FAM78B: variants seen among roughly 807,000 people sequenced by gnomAD.
The protein encoded by FAM78B is protein FAM78B.
FAM78B carries 10 observed loss-of-function variants against 20.0 expected under a neutral mutation model. The ratio of observed to expected loss-of-function variants is 0.50; its 90% CI spans 0.31 to 0.85. The LOEUF (loss-of-function observed/expected upper bound fraction) is 0.85, where lower values mean the gene tolerates loss of function less well. Among genes scored for constraint, FAM78B ranks in the 40% least tolerant of loss-of-function variants. FAM78B has a pLI of 0.05. For missense variants in FAM78B, 283 were observed against 345.0 expected (o/e 0.82, Z 1.42); for synonymous variants, 135 against 132.8 (o/e 1.02, Z -0.12).
intron 1 of FAM78B, among the ~76,000 whole-genome samples, chr1:166,106,209 G>C (rs1203901590): frequency 8.3e-6 from 1 of 120,668 alleles, no homozygotes; most frequent in African/African-American, 3.1e-5. Context: ...CCTGTTGTGG[G>C]GTGGGGGGAG....
At chr1:166,157,615 A>G (rs1457124337) in intron 1 of FAM78B, among the ~76,000 whole-genome samples, 1 of 152,150 alleles carries the variant, frequency 6.6e-6, no homozygotes, top group Non-Finnish European at 1.5e-5. Context: ...GGTATGTCCA[A>G]TGAGCTGATG....
At chr1:166,086,613 CTT>C (rs1290190062) in intron 1 of FAM78B, among the ~76,000 whole-genome samples, 1 of 152,206 alleles carries the variant, frequency 6.6e-6, no homozygotes, top group Non-Finnish European at 1.5e-5. Flanking sequence ...TAACTTTCCA[CTT>C]TGTGTTCTTT....
chr1:166,152,866 C>T (rs1401177379), intron 1 of FAM78B, among the ~76,000 whole-genome samples: 5 of 151,864 alleles, frequency 3.3e-5, no homozygotes, highest in African/African-American at 4.8e-5. Context: ...TTAGTACAGA[C>T]GAGGTTTCAC....
chr1:166,144,293 G>C (rs906810618), intron 1 of FAM78B, among the ~76,000 whole-genome samples: 8 of 151,802 alleles, frequency 5.3e-5, no homozygotes, highest in Middle Eastern at 6.8e-3. Context: ...GAGTGGTGGT[G>C]GGGGGGTGGT....
intron 1 of FAM78B, among the ~76,000 whole-genome samples, chr1:166,141,181 T>C (rs1203514396): frequency 6.6e-6 from 1 of 152,240 alleles, no homozygotes; most frequent in Non-Finnish European, 1.5e-5. Context: ...GGCAAGGTGC[T>C]GTGCTAGGTA....
chr1:166,111,353 A>G (rs1654050960), intron 1 of FAM78B, among the ~76,000 whole-genome samples: 1 of 152,188 alleles, frequency 6.6e-6, no homozygotes, highest in African/African-American at 2.4e-5. Context: ...ACTCCCACCA[A>G]TGGGCCTCTG....
chr1:166,108,228 T>C lies in FAM78B; in HGVS notation c.264-37465A>G, dbSNP rs1396899353. ...TGTCACTGTTTGCTGACAATATGAT[T>C]GTTTACCTTGAAAACCCTAAGGACT... On this transcript the variant is annotated intron_variant, in intron 1 of 1. Transcript: ENST00000354422. Among the ~76,000 whole-genome samples the C allele has an allele frequency of 2.0e-5, 3 of 152,214 alleles. No homozygotes were observed. In the East Asian group the frequency reaches 5.8e-4, roughly 29 times the overall value.
In FAM78B at chr1:166,120,096, C is replaced by T. The variant is rs79163912; in HGVS notation, c.263+45890G>A. Among the ~76,000 whole-genome samples, 344 of 152,282 alleles carry T rather than the reference C, an allele frequency of 2.3e-3. 1 individual carries two copies. Among genetic ancestry groups the T allele is most frequent in the Non-Finnish European group, 3.7e-3 (249 of 68,024 alleles). Reference sequence around the variant, plus strand: ...TTATGTGAGGCATTGGGTGGGCTGCCGAGAATCAAAGATAAATAAAGTCCT... The same window carrying T: ...TTATGTGAGGCATTGGGTGGGCTGCTGAGAATCAAAGATAAATAAAGTCCT... On this transcript the variant is annotated intron_variant, in intron 1 of 1. Coordinates refer to ENST00000354422, the MANE Select transcript of FAM78B (RefSeq NM_001017961.5).
intron 1 of FAM78B, among the ~76,000 whole-genome samples, chr1:166,109,021 A>G (rs1031196339): frequency 2.0e-5 from 3 of 152,232 alleles, no homozygotes; most frequent in Non-Finnish European, 2.9e-5. Flanking sequence ...AGATGAATTA[A>G]GGACCTAAAC....
intron 1 of FAM78B, among the ~76,000 whole-genome samples, chr1:166,156,598 T>C (rs1655905277): frequency 6.6e-6 from 1 of 152,238 alleles, no homozygotes; most frequent in Non-Finnish European, 1.5e-5. Flanking sequence ...ACATGTTTCA[T>C]GATTATTGTG....
intron 1 of FAM78B, among the ~76,000 whole-genome samples, chr1:166,109,086 G>C (rs1415379855): frequency 1.3e-5 from 2 of 152,164 alleles, no homozygotes; most frequent in African/African-American, 2.4e-5. Flanking sequence ...AACCCTTCTA[G>C]ACATTGGCTT....
At chr1:166,113,556 T>C (rs959921417) in intron 1 of FAM78B, among the ~76,000 whole-genome samples, 5 of 152,214 alleles carry the variant, frequency 3.3e-5, no homozygotes, top group Non-Finnish European at 7.4e-5. Flanking sequence ...TGCAAACAAA[T>C]GATGCTCAAA....
intron 1 of FAM78B, among the ~76,000 whole-genome samples, chr1:166,085,941 G>T (rs1233923210): frequency 6.6e-6 from 1 of 152,166 alleles, no homozygotes; most frequent in African/African-American, 2.4e-5. Flanking sequence ...ACAGGCTAGA[G>T]GCAGGAATCT....
Position 166,073,530 on chromosome 1 carries a change from TTC to T in FAM78B, c.264-2769_264-2768del, listed in dbSNP as rs201250908. 2.1e-3 allele frequency among the ~76,000 whole-genome samples: 289 copies of T among 136,010 alleles called. 2 individuals are homozygous for T. The highest frequency in any genetic ancestry group is 8.4e-3 in the African/African-American group (276 of 32,762). The allele number at this position is 136,010 out of a possible 152,430, so 89.2% of individuals were successfully genotyped here. A position where few individuals can be genotyped will look rare whatever the true frequency, so the allele number is the denominator to read the frequency against. ...TATCTCTCGCTCCCTTCCTTTCTCT[TTC>T]TCTCTTTTTTTTTTTTTTTCCAAAA... On this transcript the variant is annotated intron_variant, in intron 1 of 1. Transcript: ENST00000354422.
At chr1:166,161,320 GA>G (rs1298095142) in intron 1 of FAM78B, among the ~76,000 whole-genome samples, 1 of 152,104 alleles carries the variant, frequency 6.6e-6, no homozygotes, top group Admixed American at 6.6e-5. Context: ...CTACTTTTTG[GA>G]ATTTTTAGTA....
chr1:166,148,216 A>G (rs1357415930), intron 1 of FAM78B, among the ~76,000 whole-genome samples: 30 of 152,238 alleles, frequency 2.0e-4, no homozygotes, highest in Admixed American at 2.0e-3. Flanking sequence ...TGGCTAAAAG[A>G]TAAATCTTGA....
At chr1:166,080,068 T>C (rs1317079573) in intron 1 of FAM78B, among the ~76,000 whole-genome samples, 2 of 152,212 alleles carry the variant, frequency 1.3e-5, no homozygotes, top group Non-Finnish European at 2.9e-5. Context: ...GGGAACTTGC[T>C]CAAGATCTTT....
chr1:166,128,836 G>A (rs1297016304), intron 1 of FAM78B, among the ~76,000 whole-genome samples: 2 of 152,214 alleles, frequency 1.3e-5, no homozygotes, highest in African/African-American at 4.8e-5. Context: ...AAATATGTAT[G>A]CAGGGTAGAA....
At chr1:166,150,854 G>A (rs947014462) in intron 1 of FAM78B, among the ~76,000 whole-genome samples, 2 of 152,172 alleles carry the variant, frequency 1.3e-5, no homozygotes, top group Non-Finnish European at 2.9e-5. Flanking sequence ...TTGGGAGGCT[G>A]AGGCAGGATT....
Sources: allele counts gnomAD v4.1 joint callset (sites outside exome capture counted in the v4.1 genomes callset), GRCh38; gene constraint gnomAD v4.1.1; transcripts MANE v1.5; gene names NCBI Gene and HGNC (gene_info 2026-07-23, HGNC 2026-07-21).